The following KNDC1 variants were observed in gnomAD, a reference collection of about 807,000 sequenced individuals.
KNDC1 encodes kinase non-catalytic C-lobe domain-containing protein 1.
Under a neutral mutation model 172.8 loss-of-function variants are expected in KNDC1, and 106 were observed. The observed-to-expected ratio is 0.61, with a 90% CI of 0.52 to 0.72. The LOEUF (loss-of-function observed/expected upper bound fraction) is 0.72. KNDC1 is among the 30% of genes least tolerant of loss of function. The pLI is 0.00. For missense variants in KNDC1, 2,325 were observed against 2,394.5 expected (o/e 0.97, Z 0.61); for synonymous variants, 1,083 against 1,062.2 (o/e 1.02, Z -0.38).
At chr10:133,171,458 G>A (rs1853374300) in intron 3 of KNDC1, among the ~76,000 whole-genome samples, 1 of 152,158 alleles carries the variant, frequency 6.6e-6, no homozygotes, top group Non-Finnish European at 1.5e-5. Flanking sequence ...TTTTTATAGA[G>A]ATGGGGTCTC....
intron 7 of KNDC1, 83 bp from the exon 8 acceptor site, chr10:133,189,515 T>G: frequency 4.4e-6 from 6 of 1,354,554 alleles, no homozygotes; most frequent in South Asian, 1.2e-5. Context: ...CCGGCCTGAC[T>G]GAGGCTCCGC....
intron 10 of KNDC1, among the ~76,000 whole-genome samples, chr10:133,196,335 C>T (rs1854190570): frequency 6.6e-6 from 1 of 152,188 alleles, no homozygotes; most frequent in African/African-American, 2.4e-5. Context: ...GCACCCGCAC[C>T]CGGCATGGGG....
intron 3 of KNDC1, among the ~76,000 whole-genome samples, chr10:133,169,451 C>G (rs1853299451): frequency 6.6e-6 from 1 of 152,236 alleles, no homozygotes; most frequent in Admixed American, 6.5e-5. Context: ...CAGAGCAAGA[C>G]CTTGCCTCAA....
chr10:133,193,797 C>T (rs1854120493), intron 9 of KNDC1, among the ~76,000 whole-genome samples: 1 of 152,156 alleles, frequency 6.6e-6, no homozygotes, highest in Admixed American at 6.5e-5. Context: ...GTTAAGTGTA[C>T]TTCAGAGCAA....
rs947033408 is a variant in KNDC1, at chr10:133,221,407, G to A, written c.5018+1295G>A. 6.8e-5 allele frequency among the ~76,000 whole-genome samples: 9 copies of A among 131,754 alleles called. No individual in the cohort carries two copies. The South Asian group carries it at 1.2e-3, about 18-fold the overall frequency. The allele number at this position is 131,754 out of a possible 152,430, so 86.4% of individuals were successfully genotyped here. A position where few individuals can be genotyped will look rare whatever the true frequency, so the allele number is the denominator to read the frequency against. ...CACACAGGCTCTTCCACCTGGTAAG[G>A]CACAGGGGCCAGCCTCTCCTTGGAG... On this transcript the variant is annotated intron_variant, in intron 29 of 29. Coordinates refer to ENST00000304613, the MANE Select transcript of KNDC1 (RefSeq NM_152643.8).
chr10:133,160,478 T>C lies in KNDC1; in HGVS notation c.11T>C (p.Met4Thr), dbSNP rs754521715. MQA[M>T]DPAAADLYEE... ...CGGCGCGGCCGCAGGATGCAGGCCA[T>C]GGACCCGGCCGCGGCGGATCTTTAC... The change falls in exon 1 of 30, where the codon ATG becomes ACG. Residue 4 changes from methionine (M) to threonine (T), a missense_variant. Physicochemically the swap from Met to Thr is moderately conservative, Grantham distance 81. Transcript: ENST00000304613. 13 of 1,580,540 alleles carry C rather than the reference T, an allele frequency of 8.2e-6. No homozygotes were observed. Among genetic ancestry groups the C allele is most frequent in the African/African-American group, 4.1e-5 (3 of 73,200 alleles).
Position 133,200,370 on chromosome 10 carries a change from G to A in KNDC1, c.2904-5G>A, listed in dbSNP as rs774818800. 1.0e-5 allele frequency: 16 copies of A among 1,582,636 alleles called. No homozygotes were observed. The highest frequency in any genetic ancestry group is 3.5e-5 in the Admixed American group (2 of 56,602). On this transcript the variant is annotated splice_region_variant and splice_polypyrimidine_tract_variant and intron_variant, in intron 15 of 29. Transcript: ENST00000304613. ...GTGGGGACTGACCTGCATTCTCGTC[G>A]TCAGCACGGCCGAGGAGGCTGGGTC...
rs372988806 is a variant in KNDC1 at position 133,222,490 on chromosome 10, G to GGT, written c.5019-2151_5019-2150dup. 1.9e-3 allele frequency among the ~76,000 whole-genome samples: 42 copies of GGT among 22,172 alleles called. 3 individuals carry two copies. The highest frequency in any genetic ancestry group is 3.6e-3 in the African/African-American group (28 of 7,850). 14.5% of individuals were successfully genotyped at this position (22,172 alleles called of 152,430 possible). ...GAGCCCATCCAGGCATGCTCTTCCC[G>GGT]GTGTGTGTGTGTGTGTGTGAGCCCA... On this transcript the variant is annotated intron_variant, in intron 29 of 29. Transcript: ENST00000304613.
intron 29 of KNDC1, among the ~76,000 whole-genome samples, chr10:133,221,754 A>G (rs549679198): frequency 6.6e-6 from 1 of 152,368 alleles, no homozygotes; most frequent in Admixed American, 6.5e-5. Context: ...AAGAGATCAG[A>G]AAACCCATGT....
intron 15 of KNDC1, among the ~76,000 whole-genome samples, 163 bp from the exon 16 acceptor site, chr10:133,200,187 CCCCAAGCAGTGAATGACCCAGGGAT>C (rs1422707679): frequency 2.0e-5 from 3 of 152,178 alleles, no homozygotes; most frequent in Admixed American, 6.5e-5. Context: ...CCCCCAGGGA[CCCCAAGCAGTGAATGACCCAGGGAT>C]CCCGTCGGCT....
intron 5 of KNDC1, 104 bp downstream of exon 5, chr10:133,184,093 C>CA (rs1853808411): frequency 8.1e-6 from 5 of 619,134 alleles, no homozygotes; most frequent in African/African-American, 1.8e-5. Context: ...CACACACACA[C>CA]TGCACACACA....
In KNDC1 at chr10:133,201,642, G is replaced by C; in HGVS notation, c.3131G>C (p.Arg1044Thr). 6 of 1,613,072 alleles carry C rather than the reference G, an allele frequency of 3.7e-6. No individual in the cohort carries two copies. Among genetic ancestry groups the C allele is most frequent in the Non-Finnish European group, 5.1e-6 (6 of 1,179,970 alleles). Residue 1044 changes from arginine (R) to threonine (T), a missense_variant, in exon 17 of 30, where the codon AGA becomes ACA. Physicochemically the swap from Arg to Thr is moderately conservative, Grantham distance 71. Coordinates refer to ENST00000304613, the MANE Select transcript of KNDC1 (RefSeq NM_152643.8). ...CCTCAGAGGTCCGTAAAAGCCGAGA[G>C]AGCGCAGCAGCCTGAGGCTGGCGAG... ...FRPQRSVKAE[R>T]AQQPEAGEDR...
chr10:133,194,647 G>T (rs754475867), intron 9 of KNDC1, among the ~76,000 whole-genome samples: 1 of 152,164 alleles, frequency 6.6e-6, no homozygotes, highest in Admixed American at 6.5e-5. Context: ...GTGCCTGGAT[G>T]GGGGAGACTC....
At chr10:133,184,538 A>T (rs3008394) in intron 5 of KNDC1, among the ~76,000 whole-genome samples, 49 of 152,164 alleles carry the variant, frequency 3.2e-4, no homozygotes, top group Admixed American at 3.3e-4. Flanking sequence ...CACACACATG[A>T]AAATTCAGGC....
At chr10:133,203,991 C>G (rs1287874467) in intron 17 of KNDC1, among the ~76,000 whole-genome samples, 1 of 152,218 alleles carries the variant, frequency 6.6e-6, no homozygotes, top group African/African-American at 2.4e-5. Context: ...TTCCTGGATG[C>G]GTCAGGGTAC....
intron 9 of KNDC1, among the ~76,000 whole-genome samples, chr10:133,193,266 T>G (rs1449541257): frequency 6.6e-6 from 1 of 152,234 alleles, no homozygotes; most frequent in Admixed American, 6.5e-5. Flanking sequence ...GGCTCAGGCC[T>G]GTAATCCCAA....
At chr10:133,184,141 A>G (rs565356160) in intron 5 of KNDC1, 152 bp downstream of exon 5, 352 of 482,334 alleles carry the variant, frequency 7.3e-4, no homozygotes, top group Middle Eastern at 5.8e-3. Context: ...CACATGCCAC[A>G]CACACCCATG....
At chr10:133,191,933 GC>G in intron 9 of KNDC1, among the ~76,000 whole-genome samples, 1 of 152,222 alleles carries the variant, frequency 6.6e-6, no homozygotes, top group East Asian at 1.9e-4. Flanking sequence ...GTGAGCAGGA[GC>G]CAGGACCTTC....
chr10:133,184,506 C>T lies in KNDC1; in HGVS notation c.625+517C>T, dbSNP rs537648873. Among the ~76,000 whole-genome samples, 369 of 152,378 alleles carry T rather than the reference C, an allele frequency of 2.4e-3. 2 individuals are homozygous for T. Among genetic ancestry groups the T allele is most frequent in the Non-Finnish European group, 4.6e-3 (310 of 68,040 alleles). On this transcript the variant is annotated intron_variant, in intron 5 of 29. Transcript: ENST00000304613. ...ATAGATCACATGTGCCTCGTACACA[C>T]ATATTCACTCTTGCTCACAGTCACA...
Sources: gnomAD v4.1 joint callset for allele counts (sites outside exome capture counted in the v4.1 genomes callset) on GRCh38, gnomAD v4.1.1 for gene constraint, MANE v1.5 for transcripts, NCBI Gene and HGNC (gene_info 2026-07-23, HGNC 2026-07-21) for gene names.